CEP128: variants seen among roughly 807,000 people sequenced by gnomAD.
CEP128 encodes the protein centrosomal protein 128.
CEP128 carries 132 observed loss-of-function variants against 156.7 expected under a neutral mutation model. That is an observed-to-expected ratio of 0.84 (90% confidence interval 0.73 to 0.97). The LOEUF is 0.97. CEP128 is among the 50% of genes least tolerant of loss of function. The pLI is 0.00. For missense variants in CEP128, 1,252 were observed against 1,281.9 expected (o/e 0.98, Z 0.36); for synonymous variants, 469 against 448.9 (o/e 1.04, Z -0.57).
In CEP128 at chr14:80,767,938, A is replaced by T. The variant is rs116807448; in HGVS notation, c.2377-6325T>A. 7.1e-3 allele frequency among the ~76,000 whole-genome samples: 1,085 copies of T among 152,214 alleles called. 15 individuals carry two copies. Among genetic ancestry groups the T allele is most frequent in the African/African-American group, 0.024 (1,012 of 41,546 alleles). On this transcript the variant is annotated intron_variant, in intron 16 of 24. Transcript: ENST00000555265. ...TCTGTCTCCTCATCAGACTGTGAGTACCTCTAATGTGAAGATCTTATCCTT... is the reference window on the plus strand; with the variant it reads ...TCTGTCTCCTCATCAGACTGTGAGTTCCTCTAATGTGAAGATCTTATCCTT...
rs560057640 is a variant in CEP128, at chr14:80,542,075, G to C, written c.2881-11189C>G. Among the ~76,000 whole-genome samples the C allele has an allele frequency of 2.0e-5, 3 of 152,332 alleles. No individual in the cohort carries two copies. The South Asian group carries it at 6.2e-4, about 32-fold the overall frequency. ...AATAAATGTTAGCTATTACTACAAT[G>C]ATAACACTAGTTATTATTCTCTGAG... On this transcript the variant is annotated intron_variant, in intron 21 of 24. Transcript: ENST00000555265.
chr14:80,805,850 T>C (rs542182733), intron 13 of CEP128, among the ~76,000 whole-genome samples: 3 of 152,174 alleles, frequency 2.0e-5, no homozygotes, highest in Non-Finnish European at 2.9e-5. Context: ...TGTCATTCAT[T>C]GAGACCATAC....
intron 19 of CEP128, among the ~76,000 whole-genome samples, chr14:80,672,210 AT>A (rs1478601257): frequency 6.6e-6 from 1 of 152,094 alleles, no homozygotes; most frequent in African/African-American, 2.4e-5. Flanking sequence ...GGGCAAAAAT[AT>A]TTTTAGAAAG....
At chr14:80,626,903 G>A (rs148012350) in intron 19 of CEP128, among the ~76,000 whole-genome samples, 63 of 152,236 alleles carry the variant, frequency 4.1e-4, no homozygotes, top group Non-Finnish European at 7.5e-4. Flanking sequence ...TTGCACTCCC[G>A]CCTGGGCAAC....
chr14:80,800,731 C>CG (rs145367224), intron 13 of CEP128, among the ~76,000 whole-genome samples: 4,077 of 152,136 alleles, frequency 0.027, 181 homozygotes, highest in African/African-American at 0.093. Context: ...AACCAGGCAT[C>CG]GACTAGTTAT....
At chr14:80,678,919 T>C (rs1338895919) in intron 19 of CEP128, among the ~76,000 whole-genome samples, 1 of 152,198 alleles carries the variant, frequency 6.6e-6, no homozygotes, top group Non-Finnish European at 1.5e-5. Context: ...CATTTTAATA[T>C]GGACATATAT....
At chr14:80,599,108 C>T (rs533693194) in intron 19 of CEP128, among the ~76,000 whole-genome samples, 11 of 152,014 alleles carry the variant, frequency 7.2e-5, no homozygotes, top group Non-Finnish European at 1.5e-4. Flanking sequence ...AATAACATCA[C>T]AAGTTTAATT....
intron 20 of CEP128, among the ~76,000 whole-genome samples, chr14:80,565,384 G>A (rs1257514933): frequency 2.0e-5 from 3 of 152,038 alleles, no homozygotes; most frequent in Admixed American, 6.6e-5. Flanking sequence ...TTTGGCAAGC[G>A]CCTGCTTGCC....
At chr14:80,700,895 T>C (rs926152247) in intron 19 of CEP128, among the ~76,000 whole-genome samples, 1 of 152,160 alleles carries the variant, frequency 6.6e-6, no homozygotes, top group Admixed American at 6.5e-5. Flanking sequence ...ACAGATTTAA[T>C]ATAAGGGATA....
At chr14:80,690,205 G>A (rs1262659098) in intron 19 of CEP128, among the ~76,000 whole-genome samples, 3 of 146,762 alleles carry the variant, frequency 2.0e-5, no homozygotes, top group Non-Finnish European at 3.0e-5. Flanking sequence ...TCAGCAGTTC[G>A]AGACCAGCCT....
At chr14:80,553,063 TTTTC>T (rs1011662433) in intron 21 of CEP128, among the ~76,000 whole-genome samples, 8 of 123,246 alleles carry the variant, frequency 6.5e-5, no homozygotes, top group Non-Finnish European at 8.2e-5. Context: ...CACATTTCGG[TTTTC>T]TTTCTTTCTT....
chr14:80,852,465 C>G (rs116877843), intron 9 of CEP128, among the ~76,000 whole-genome samples: 7,124 of 150,964 alleles, frequency 0.047, 187 homozygotes, highest in Middle Eastern at 0.062. Flanking sequence ...AATTTTCAAG[C>G]CTAAAAAATA....
intron 13 of CEP128, among the ~76,000 whole-genome samples, chr14:80,797,954 T>C (rs1254264631): frequency 2.0e-5 from 3 of 152,202 alleles, no homozygotes; most frequent in Admixed American, 1.3e-4. Flanking sequence ...TCTTCTACAC[T>C]GAGGAACTTT....
chr14:80,553,860 A>T (rs1890317297), intron 21 of CEP128, among the ~76,000 whole-genome samples: 1 of 152,200 alleles, frequency 6.6e-6, no homozygotes, highest in African/African-American at 2.4e-5. Flanking sequence ...GTATTTGCAA[A>T]TATCAATTTT....
intron 2 of CEP128, among the ~76,000 whole-genome samples, chr14:80,951,873 G>A (rs1886473188): frequency 1.3e-5 from 2 of 151,992 alleles, no homozygotes; most frequent in Admixed American, 1.3e-4. Context: ...AAAGTAGATT[G>A]AAGAGCAAAG....
Position 80,605,760 on chromosome 14 carries a change from C to T in CEP128, c.2807-25337G>A, listed in dbSNP as rs1377353544. Among the ~76,000 whole-genome samples the T allele has an allele frequency of 2.0e-5, 3 of 152,040 alleles. No homozygotes were observed. The East Asian group carries it at 5.8e-4, about 29-fold the overall frequency. On this transcript the variant is annotated intron_variant, in intron 19 of 24. Coordinates refer to ENST00000555265, the MANE Select transcript of CEP128 (RefSeq NM_152446.5). ...TCCTCAAACCAGACATCAGACAGAC[C>T]TTCCAAAGGGCAGTCAAGCATACTA...
At chr14:80,567,529 G>A (rs902968837) in intron 20 of CEP128, among the ~76,000 whole-genome samples, 3 of 152,216 alleles carry the variant, frequency 2.0e-5, no homozygotes, top group Non-Finnish European at 2.9e-5. Flanking sequence ...TTCAAATCAC[G>A]AAGCAAAGCT....
chr14:80,837,382 T>C lies in CEP128; in HGVS notation c.924+822A>G, dbSNP rs1263022818. ...ACTTTAAACATCAGAAGCGCCAAACTCCCATTATGGGCTGATGGAATGCAA... is the reference window on the plus strand; with the variant it reads ...ACTTTAAACATCAGAAGCGCCAAACCCCCATTATGGGCTGATGGAATGCAA... On this transcript the variant is annotated intron_variant, in intron 11 of 24. Coordinates refer to ENST00000555265, the MANE Select transcript of CEP128 (RefSeq NM_152446.5). Among the ~76,000 whole-genome samples the C allele has an allele frequency of 3.3e-5, 5 of 152,222 alleles. No individual in the cohort carries two copies. The South Asian group carries it at 6.2e-4, about 19-fold the overall frequency.
intron 23 of CEP128, among the ~76,000 whole-genome samples, chr14:80,505,444 T>C (rs1439401123): frequency 6.6e-6 from 1 of 152,220 alleles, no homozygotes; most frequent in Non-Finnish European, 1.5e-5. Flanking sequence ...CTCATATACA[T>C]AACACTGTGA....
Sources: gnomAD v4.1 joint callset for allele counts (sites outside exome capture counted in the v4.1 genomes callset) on GRCh38, gnomAD v4.1.1 for gene constraint, MANE v1.5 for transcripts, NCBI Gene and HGNC (gene_info 2026-07-23, HGNC 2026-07-21) for gene names.